Variants in APP observed in about 807,000 individuals in gnomAD.
The protein encoded by APP is amyloid-beta precursor protein.
Under a neutral mutation model 101.4 loss-of-function variants are expected in APP, and 31 were observed. That is an observed-to-expected ratio of 0.31 (90% CI 0.23 to 0.41). The LOEUF (loss-of-function observed/expected upper bound fraction) is 0.41, where lower values mean the gene tolerates loss of function less well. APP is among the 10% of genes least tolerant of loss of function. APP has a pLI of 1.00. For synonymous variants in APP, 366 were observed against 364.4 expected (o/e 1.00, Z -0.05); for missense variants, 839 against 1,003.7 (o/e 0.84, Z 2.22).
At chr21:26,016,102 C>T (rs1353781775) in intron 6 of APP, among the ~76,000 whole-genome samples, 1 of 152,098 alleles carries the variant, frequency 6.6e-6, no homozygotes, top group African/African-American at 2.4e-5. Context: ...GCAATCTCAG[C>T]TCACTGCAAC....
At chr21:26,029,917 T>C (rs1243152566) in intron 5 of APP, among the ~76,000 whole-genome samples, 1 of 152,158 alleles carries the variant, frequency 6.6e-6, no homozygotes, top group African/African-American at 2.4e-5. Flanking sequence ...CATGCTCCTG[T>C]AAACCCTGCC....
intron 13 of APP, among the ~76,000 whole-genome samples, chr21:25,936,546 C>T (rs1017357381): frequency 1.3e-5 from 2 of 152,024 alleles, no homozygotes; most frequent in Non-Finnish European, 2.9e-5. Context: ...TCTGTCTCAA[C>T]AAAACAAAAG....
rs10579923 is a variant in APP at position 26,105,068 on chromosome 21, C to CAA, written c.225+6909_225+6910dup. On this transcript the variant is annotated intron_variant, in intron 2 of 17. Coordinates refer to ENST00000346798, the MANE Select transcript of APP (RefSeq NM_000484.4). ...ACTAATGGTTTCCACGCATTTTTTT[C>CAA]AAAAAAAAAAAAAAAAAAAAAGAAG... Among the ~76,000 whole-genome samples, 815 of 110,438 alleles carry CAA rather than the reference C, an allele frequency of 7.4e-3. 22 individuals carry two copies. The highest frequency in any genetic ancestry group is 0.027 in the African/African-American group (733 of 26,750). The allele number at this position is 110,438 out of a possible 152,430, so 72.5% of individuals were successfully genotyped here.
intron 13 of APP, among the ~76,000 whole-genome samples, chr21:25,939,417 C>T (rs2040484907): frequency 6.6e-6 from 1 of 152,180 alleles, no homozygotes; most frequent in Non-Finnish European, 1.5e-5. Flanking sequence ...CACAAATAGT[C>T]CCACTTAATT....
intron 1 of APP, among the ~76,000 whole-genome samples, chr21:26,163,239 CAAAAAAAAAA>C (rs58816061): frequency 5.6e-4 from 33 of 58,830 alleles, no homozygotes; most frequent in African/African-American, 2.0e-3. Flanking sequence ...AACTCAGTCT[CAAAAAAAAAA>C]AAAAAAAAAA....
At chr21:26,169,669 C>A (rs467956) in intron 1 of APP, among the ~76,000 whole-genome samples, 1 of 152,258 alleles carries the variant, frequency 6.6e-6, no homozygotes, top group Non-Finnish European at 1.5e-5. Flanking sequence ...GACGCGCAGC[C>A]CCGGGAAGGG....
chr21:26,096,297 G>C (rs2061940791), intron 2 of APP, among the ~76,000 whole-genome samples: 1 of 152,130 alleles, frequency 6.6e-6, no homozygotes, highest in African/African-American at 2.4e-5. Flanking sequence ...CTTTCCTCAA[G>C]GGCAGAAAAC....
At chr21:25,900,677 G>A (rs2038399082) in intron 15 of APP, among the ~76,000 whole-genome samples, 1 of 152,018 alleles carries the variant, frequency 6.6e-6, no homozygotes, top group African/African-American at 2.4e-5. Flanking sequence ...AGATTTTGGA[G>A]CCAAATATTT....
chr21:26,105,381 A>C (rs2062158284), intron 2 of APP, among the ~76,000 whole-genome samples: 1 of 152,204 alleles, frequency 6.6e-6, no homozygotes. Context: ...GGAGATGGTA[A>C]GATTATAACT....
chr21:25,912,016 A>G, intron 13 of APP, 54 bp from the exon 14 acceptor site: 1 of 1,362,856 alleles, frequency 7.3e-7, no homozygotes, highest in Non-Finnish European at 1.0e-6. Context: ...CAACAGCAGC[A>G]GCAGCAGCAG....
chr21:26,045,778 C>T (rs1173578173), intron 5 of APP, among the ~76,000 whole-genome samples: 2 of 152,272 alleles, frequency 1.3e-5, no homozygotes, highest in African/African-American at 2.4e-5. Context: ...TTCCAATGCA[C>T]GCACACCTGC....
chr21:26,073,283 G>A (rs1159311907), intron 3 of APP, among the ~76,000 whole-genome samples: 1 of 152,068 alleles, frequency 6.6e-6, no homozygotes, highest in Non-Finnish European at 1.5e-5. Flanking sequence ...GGGAGGACGG[G>A]GAAGGGAGCC....
At chr21:25,966,026 A>G (rs183851063) in intron 11 of APP, among the ~76,000 whole-genome samples, 1 of 152,294 alleles carries the variant, frequency 6.6e-6, no homozygotes, top group East Asian at 1.9e-4. Context: ...ATATGGCCTC[A>G]GTGGCAAAAG....
chr21:25,989,102 C>A (rs1568815998), intron 8 of APP, among the ~76,000 whole-genome samples: 1 of 152,266 alleles, frequency 6.6e-6, no homozygotes, highest in East Asian at 1.9e-4. Context: ...GCCAAGACAC[C>A]AACGAAACAT....
intron 1 of APP, among the ~76,000 whole-genome samples, chr21:26,159,818 A>G (rs946596775): frequency 6.6e-6 from 1 of 152,230 alleles, no homozygotes; most frequent in African/African-American, 2.4e-5. Flanking sequence ...GATGCTTCCC[A>G]TCTGTGTCCC....
chr21:25,977,847 A>G (rs2042280151), intron 9 of APP, among the ~76,000 whole-genome samples: 1 of 152,214 alleles, frequency 6.6e-6, no homozygotes, highest in South Asian at 2.1e-4. Context: ...CCTGTGGGCA[A>G]GGGGGAAATG....
At chr21:25,944,951 T>C (rs1413889322) in intron 13 of APP, among the ~76,000 whole-genome samples, 1 of 152,144 alleles carries the variant, frequency 6.6e-6, no homozygotes, top group Non-Finnish European at 1.5e-5. Context: ...TACAGGGCCA[T>C]ACAAACGAGC....
chr21:26,080,178 G>A (rs1399530920), intron 3 of APP, among the ~76,000 whole-genome samples: 1 of 152,156 alleles, frequency 6.6e-6, no homozygotes, highest in Non-Finnish European at 1.5e-5. Context: ...CACAAAATAT[G>A]TTTAGCTGTT....
At chr21:26,068,250 T>C (rs1453877409) in intron 3 of APP, 1 of 152,288 alleles carries the variant, frequency 6.6e-6, no homozygotes, top group Admixed American at 6.5e-5. Flanking sequence ...TTCCAACCTA[T>C]TACCATCTGG....
Sources: gnomAD v4.1 joint callset for allele counts (sites outside exome capture counted in the v4.1 genomes callset) on GRCh38, gnomAD v4.1.1 for gene constraint, MANE v1.5 for transcripts, NCBI Gene and HGNC (gene_info 2026-07-23, HGNC 2026-07-21) for gene names.